SCHIP1: variants seen among roughly 807,000 people sequenced by gnomAD.
SCHIP1 encodes schwannomin-interacting protein 1.
SCHIP1 carries 8 observed loss-of-function variants against 29.7 expected under a neutral mutation model. The observed-to-expected ratio is 0.27, with a 90% CI of 0.16 to 0.49. The LOEUF is 0.49. SCHIP1 is among the 20% of genes least tolerant of loss of function. The pLI is 0.99. For missense variants in SCHIP1, 193 were observed against 294.6 expected (o/e 0.66, Z 2.52); for synonymous variants, 76 against 94.9 (o/e 0.80, Z 1.16).
the SCHIP1 span, among the ~76,000 whole-genome samples, chr3:159,693,235 A>G: frequency 1.3e-5 from 2 of 152,164 alleles, no homozygotes; most frequent in South Asian, 2.1e-4. Context: ...AGTACAATAT[A>G]TAATATTATT....
the SCHIP1 span, among the ~76,000 whole-genome samples, chr3:159,832,259 A>G: frequency 3.3e-5 from 5 of 152,154 alleles, no homozygotes; most frequent in South Asian, 8.3e-4. Flanking sequence ...TTTACTCGAC[A>G]TTAATTTGTA....
the SCHIP1 span, among the ~76,000 whole-genome samples, chr3:159,405,249 C>T: frequency 6.6e-6 from 1 of 152,130 alleles, no homozygotes; most frequent in Non-Finnish European, 1.5e-5. Context: ...TGAATATCTA[C>T]AAGCATCAAG....
At chr3:159,363,660 A>G in the SCHIP1 span, among the ~76,000 whole-genome samples, 1 of 152,128 alleles carries the variant, frequency 6.6e-6, no homozygotes, top group South Asian at 2.1e-4. Context: ...CCAAACAACT[A>G]TTTTTACAAT....
the SCHIP1 span, among the ~76,000 whole-genome samples, chr3:159,302,134 A>C: frequency 6.6e-6 from 1 of 152,216 alleles, no homozygotes; most frequent in Non-Finnish European, 1.5e-5. Flanking sequence ...GTTCCGGTGC[A>C]CCAGCTGCTG....
chr3:159,414,657 T>C, the SCHIP1 span, among the ~76,000 whole-genome samples: 6 of 152,176 alleles, frequency 3.9e-5, no homozygotes, highest in South Asian at 1.2e-3. Context: ...TGCTCAAATA[T>C]ACTAACTATT....
the SCHIP1 span, among the ~76,000 whole-genome samples, chr3:159,337,698 A>G: frequency 6.6e-6 from 1 of 152,144 alleles, no homozygotes; most frequent in Non-Finnish European, 1.5e-5. Context: ...AGGGACCACC[A>G]GTGGCAACTT....
the SCHIP1 span, among the ~76,000 whole-genome samples, chr3:159,572,933 G>GT: frequency 8.2e-5 from 10 of 121,326 alleles, no homozygotes; most frequent in South Asian, 5.2e-4. Flanking sequence ...TGCAACCTCT[G>GT]GTTTTTTTTT....
intron 1 of SCHIP1, among the ~76,000 whole-genome samples, chr3:159,840,568 AT>A: frequency 6.6e-6 from 1 of 152,192 alleles, no homozygotes; most frequent in Non-Finnish European, 1.5e-5. Flanking sequence ...GAAAAACGTG[AT>A]TTTTGCTCGT....
At chr3:159,829,690 T>G in the SCHIP1 span, among the ~76,000 whole-genome samples, 2 of 152,222 alleles carry the variant, frequency 1.3e-5, no homozygotes, top group Non-Finnish European at 2.9e-5. Context: ...ATGAAGGTGG[T>G]AGCTCTGTAC....
the SCHIP1 span, among the ~76,000 whole-genome samples, chr3:159,814,686 A>G: frequency 4.3e-4 from 65 of 152,348 alleles, 1 homozygote; most frequent in African/African-American, 1.5e-3. Context: ...TGTGTAGCCC[A>G]GGTATCAGCT....
chr3:159,888,149 A>C, intron 4 of SCHIP1: 1 of 547,660 alleles, frequency 1.8e-6, no homozygotes, highest in East Asian at 3.2e-5. Context: ...GTTTCTTAGC[A>C]ACAATATTAG....
chr3:159,482,668 A>G, the SCHIP1 span, among the ~76,000 whole-genome samples: 2 of 152,186 alleles, frequency 1.3e-5, no homozygotes, highest in East Asian at 3.9e-4. Flanking sequence ...CTAAGGATTA[A>G]GGAGAGAGAC....
the SCHIP1 span, among the ~76,000 whole-genome samples, chr3:159,826,055 A>G: frequency 3.9e-5 from 6 of 152,318 alleles, no homozygotes; most frequent in East Asian, 1.2e-3. Context: ...ATAATGCTGG[A>G]TAACAGCATT....
chr3:159,812,313 A>C, the SCHIP1 span, among the ~76,000 whole-genome samples: 1 of 151,968 alleles, frequency 6.6e-6, no homozygotes, highest in South Asian at 2.1e-4. Flanking sequence ...TTTGTTCCTA[A>C]TTTTTCAAGT....
the SCHIP1 span, among the ~76,000 whole-genome samples, chr3:159,508,635 C>T: frequency 1.3e-5 from 2 of 152,118 alleles, no homozygotes; most frequent in African/African-American, 2.4e-5. Flanking sequence ...ACACACTGCT[C>T]TAAATATGTT....
the SCHIP1 span, among the ~76,000 whole-genome samples, chr3:159,314,706 T>A: frequency 6.6e-6 from 1 of 152,336 alleles, no homozygotes; most frequent in Non-Finnish European, 1.5e-5. Context: ...ATTACTAAGC[T>A]GTCATTCCAA....
chr3:159,492,144 TA>T, the SCHIP1 span, among the ~76,000 whole-genome samples: 1,245 of 151,754 alleles, frequency 8.2e-3, 23 homozygotes, highest in Admixed American at 0.044. Context: ...ACCACAAAGA[TA>T]GGGGAAAAAA....
the SCHIP1 span, chr3:159,273,666 G>A: frequency 2.9e-6 from 4 of 1,367,154 alleles, no homozygotes; most frequent in Non-Finnish European, 3.8e-6. Flanking sequence ...GTTGATAACC[G>A]AAGGGCAAAA....
the SCHIP1 span, among the ~76,000 whole-genome samples, chr3:159,813,850 T>A: frequency 2.0e-5 from 3 of 152,052 alleles, no homozygotes; most frequent in Non-Finnish European, 4.4e-5. Flanking sequence ...AAGATAAAAC[T>A]AATATGAAGC....
Sources: allele counts gnomAD v4.1 joint callset (sites outside exome capture counted in the v4.1 genomes callset), GRCh38; gene constraint gnomAD v4.1.1; transcripts MANE v1.5; gene names NCBI Gene and HGNC (gene_info 2026-07-23, HGNC 2026-07-21).